Variants in EML5 observed in about 807,000 individuals in gnomAD.
The protein encoded by EML5 is EMAP like 5, also known as echinoderm microtubule-associated protein-like 5.
A neutral mutation model predicts 250.0 loss-of-function variants in EML5; 120 were observed. The ratio of observed to expected loss-of-function variants is 0.48; its 90% confidence interval spans 0.41 to 0.56. The LOEUF (loss-of-function observed/expected upper bound fraction) is 0.56, where lower values mean the gene tolerates loss of function less well. Ranked by LOEUF, EML5 falls within the 20% of genes least tolerant of loss-of-function variation. EML5 has a pLI of 0.00. For synonymous variants in EML5, 771 were observed against 806.5 expected, an observed-to-expected ratio of 0.96 and a Z score of 0.75; for missense variants, 2,006 against 2,437.6, an observed-to-expected ratio of 0.82 and a Z score of 3.73.
intron 27 of EML5, among the ~76,000 whole-genome samples, chr14:88,655,207 A>G (rs529163451): frequency 6.6e-6 from 1 of 152,318 alleles, no homozygotes; most frequent in East Asian, 1.9e-4. Flanking sequence ...TGGAGGCATC[A>G]TGCTAGCTGA....
At chr14:88,776,478 GA>G (rs1390516663) in intron 1 of EML5, among the ~76,000 whole-genome samples, 1 of 151,976 alleles carries the variant, frequency 6.6e-6, no homozygotes, top group Non-Finnish European at 1.5e-5. Flanking sequence ...TTGACATACT[GA>G]AGAATGCATC....
In EML5 at chr14:88,705,924, T is replaced by G. The variant is rs1595594647; in HGVS notation, c.1825+335A>C. On this transcript the variant is annotated intron_variant, in intron 11 of 43. Coordinates refer to ENST00000554922, the MANE Select transcript of EML5 (RefSeq NM_183387.3). The stretch of plus-strand genomic sequence containing the variant: ...AAAATACTATATGCAACAGATGAAT[T>G]GACATTAGATAATTTTTGTCAATAA... 4 of 542,890 alleles carry G rather than the reference T, an allele frequency of 7.4e-6. No individual in the cohort carries two copies. The Admixed American group carries it at 1.0e-4, about 14-fold the overall frequency. The allele number at this position is 542,890 out of a possible 1,614,324, so 33.6% of individuals were successfully genotyped here. A position where few individuals can be genotyped will look rare whatever the true frequency, so the allele number is the denominator to read the frequency against.
rs1213827076 is a variant in EML5, at chr14:88,615,726, T to A, written c.*92A>T. 8.3e-7 allele frequency: 1 copy of A among 1,203,548 alleles called. No homozygotes were observed. Among genetic ancestry groups the A allele is most frequent in the African/African-American group, 1.5e-5 (1 of 65,670 alleles). 74.6% of individuals were successfully genotyped at this position (1,203,548 alleles called of 1,614,324 possible). A position where few individuals can be genotyped will look rare whatever the true frequency, so the allele number is the denominator to read the frequency against. On this transcript the variant is annotated 3_prime_UTR_variant, in exon 44 of 44. Transcript: ENST00000554922. Reference sequence around the variant, plus strand: ...ATTTCTCCCTGTTACAGTCTTGGGTTAGCACCACTTGACCATGCAGGGTTG... The same window carrying A: ...ATTTCTCCCTGTTACAGTCTTGGGTAAGCACCACTTGACCATGCAGGGTTG...
chr14:88,738,012 G>T (rs958566498), intron 6 of EML5, among the ~76,000 whole-genome samples: 1 of 151,964 alleles, frequency 6.6e-6, no homozygotes, highest in Middle Eastern at 3.2e-3. Context: ...GAAAGCTACC[G>T]TGTTTTTCAG....
chr14:88,759,698 A>AAAAAAAAAAAAAAAAAAAAAC (rs758968634), intron 1 of EML5, among the ~76,000 whole-genome samples: 40 of 142,184 alleles, frequency 2.8e-4, no homozygotes, highest in African/African-American at 7.8e-4. Context: ...AAAAAAAAAA[A>AAAAAAAAAAAAAAAAAAAAAC]AAAAAACTGG....
intron 1 of EML5, among the ~76,000 whole-genome samples, chr14:88,775,797 T>C (rs747265094): frequency 2.0e-5 from 3 of 152,130 alleles, no homozygotes; most frequent in Admixed American, 6.5e-5. Flanking sequence ...ACAGCAAGCC[T>C]TGGGCAAGAC....
At chr14:88,769,363 C>T (rs2094361980) in intron 1 of EML5, among the ~76,000 whole-genome samples, 1 of 152,158 alleles carries the variant, frequency 6.6e-6, no homozygotes, top group Non-Finnish European at 1.5e-5. Flanking sequence ...CCTTTGCCTT[C>T]TGCCATGACT....
At chr14:88,696,401 T>C (rs1464841101) in intron 15 of EML5, among the ~76,000 whole-genome samples, 1 of 152,108 alleles carries the variant, frequency 6.6e-6, no homozygotes, top group Non-Finnish European at 1.5e-5. Flanking sequence ...TACAAGACAG[T>C]TTAAAATTGT....
At position 88,731,311 on chromosome 14, in the gene EML5, C is replaced by T. The variant is rs376019721; in HGVS notation, c.1050-4633G>A. ...TTCAATTCCCACCTATGAGTGAGAA[C>T]ATGCAGTGTTTGGTTTTTGTCCTTG... On this transcript the variant is annotated intron_variant, in intron 7 of 43. Transcript: ENST00000554922. 1.7e-4 allele frequency among the ~76,000 whole-genome samples: 15 copies of T among 87,098 alleles called. No homozygotes were observed. In the East Asian group the frequency reaches 2.6e-3, roughly 15 times the overall value. 57.1% of individuals were successfully genotyped at this position (87,098 alleles called of 152,430 possible).
intron 6 of EML5, among the ~76,000 whole-genome samples, chr14:88,737,022 C>T (rs1418027552): frequency 6.6e-6 from 1 of 152,114 alleles, no homozygotes; most frequent in Non-Finnish European, 1.5e-5. Flanking sequence ...CTCGGGTACC[C>T]TCTCCATTGA....
In EML5 at chr14:88,705,560, T is replaced by C. The variant is rs935449318; in HGVS notation, c.1854A>G (p.Glu618=). The C allele has an allele frequency of 9.4e-6, 15 of 1,598,274 alleles. No homozygotes were observed. The African/African-American group carries it at 1.9e-4, about 20-fold the overall frequency. The change falls in exon 12 of 44, where the codon GAA becomes GAG. Residue 618 remains glutamate, a synonymous_variant. Transcript: ENST00000554922. ...QESLADSHSD[E]SDSDLSDVPE... is the part of the protein sequence containing the mutation. ...GAACATCAGACAGATCTGAATCTGA[T>C]TCATCACTATGAGAGTCAGCCAGAC...
At chr14:88,627,921 C>T in intron 33 of EML5, 102 bp from the exon 34 acceptor site, 1 of 1,108,846 alleles carries the variant, frequency 9.0e-7, no homozygotes, top group Non-Finnish European at 1.3e-6. Flanking sequence ...CAAATGTGTA[C>T]CAAACAAAAA....
chr14:88,778,069 T>C (rs2094463852), intron 1 of EML5, among the ~76,000 whole-genome samples: 1 of 152,206 alleles, frequency 6.6e-6, no homozygotes, highest in South Asian at 2.1e-4. Flanking sequence ...TAAGTTGTTA[T>C]CAGCTTAAAA....
At chr14:88,676,198 T>C (rs918163396) in intron 21 of EML5, among the ~76,000 whole-genome samples, 19 of 152,216 alleles carry the variant, frequency 1.2e-4, no homozygotes, top group African/African-American at 4.6e-4. Flanking sequence ...CTTTACTGTA[T>C]TAGTCCGTTC....
chr14:88,706,628 A>G (rs906170679), intron 10 of EML5, among the ~76,000 whole-genome samples: 1 of 152,186 alleles, frequency 6.6e-6, no homozygotes, highest in Non-Finnish European at 1.5e-5. Context: ...ACAAGGAACC[A>G]CAAAGGCTGT....
chr14:88,744,802 T>A (rs1165549165), intron 3 of EML5, among the ~76,000 whole-genome samples: 1 of 152,064 alleles, frequency 6.6e-6, no homozygotes, highest in Non-Finnish European at 1.5e-5. Flanking sequence ...TGACACCTTA[T>A]CAACCTACCT....
rs1226600744 is a variant in EML5, at chr14:88,688,492, T to G, written c.2540-19A>C. On this transcript the variant is annotated intron_variant, in intron 17 of 43. Coordinates refer to ENST00000554922, the MANE Select transcript of EML5 (RefSeq NM_183387.3). ...CCTCCCCCTAGTTCACAAAAAATAT[T>G]ATGAAAGTACCACTTTCAAAATGTA... The G allele has an allele frequency of 1.9e-6, 3 of 1,610,302 alleles. No homozygotes were observed. The highest frequency in any genetic ancestry group is 2.5e-6 in the Non-Finnish European group (3 of 1,177,826).
chr14:88,658,973 T>C (rs1472397158), intron 25 of EML5, among the ~76,000 whole-genome samples: 2 of 152,176 alleles, frequency 1.3e-5, no homozygotes, highest in East Asian at 1.9e-4. Flanking sequence ...CATATATTTA[T>C]ATACCCATGT....
intron 1 of EML5, among the ~76,000 whole-genome samples, chr14:88,773,249 C>G (rs1267820949): frequency 1.3e-5 from 2 of 152,196 alleles, no homozygotes; most frequent in Non-Finnish European, 2.9e-5. Context: ...CTTCCAGGTT[C>G]CCTGTGAGTG....
Sources: gnomAD v4.1 joint callset for allele counts (sites outside exome capture counted in the v4.1 genomes callset) on GRCh38, gnomAD v4.1.1 for gene constraint, MANE v1.5 for transcripts, NCBI Gene and HGNC (gene_info 2026-07-23, HGNC 2026-07-21) for gene names.